Variants in GNAQ observed in about 807,000 individuals in gnomAD.
GNAQ encodes guanine nucleotide-binding protein G(q) subunit alpha.
Under a neutral mutation model 43.9 loss-of-function variants are expected in GNAQ, and 8 were observed. That is an observed-to-expected ratio of 0.18 (90% confidence interval 0.11 to 0.33). The LOEUF is 0.33. Ranked by LOEUF, GNAQ falls within the 10% of genes least tolerant of loss-of-function variation. The pLI is 1.00. For synonymous variants in GNAQ, 155 were observed against 170.7 expected, an observed-to-expected ratio of 0.91 and a Z score of 0.71; for missense variants, 158 against 450.8, an observed-to-expected ratio of 0.35 and a Z score of 5.88.
chr9:77,770,220 T>A (rs1279797647), intron 5 of GNAQ, among the ~76,000 whole-genome samples: 4 of 152,116 alleles, frequency 2.6e-5, no homozygotes, highest in African/African-American at 9.7e-5. Context: ...AATTATAGGG[T>A]TTTTTCTCTG....
rs5898570 is a variant in GNAQ, at chr9:77,897,942, G to GA, written c.321+24218dup. On this transcript the variant is annotated intron_variant, in intron 2 of 6. Transcript: ENST00000286548. ...ACTAACTTTTAAAACACTTTCCCTGGAAAAAAAAAAAAAAAAAAGCAATGC... is the reference window on the plus strand; with the variant it reads ...ACTAACTTTTAAAACACTTTCCCTGGAAAAAAAAAAAAAAAAAAAGCAATGC... Among the ~76,000 whole-genome samples the GA allele has an allele frequency of 2.0e-3, 245 of 124,662 alleles. 1 individual carries two copies. Among genetic ancestry groups the GA allele is most frequent in the East Asian group, 5.2e-3 (22 of 4,194 alleles). The allele number at this position is 124,662 out of a possible 152,430, so 81.8% of individuals were successfully genotyped here.
intron 5 of GNAQ, among the ~76,000 whole-genome samples, chr9:77,786,106 G>A (rs943550871): frequency 3.3e-5 from 5 of 152,078 alleles, no homozygotes; most frequent in African/African-American, 7.2e-5. Context: ...AGCCAGGCGC[G>A]GTGGCTCACG....
At chr9:77,741,205 G>C (rs969721) in intron 5 of GNAQ, among the ~76,000 whole-genome samples, 1,964 of 152,256 alleles carry the variant, frequency 0.013, 14 homozygotes, top group Non-Finnish European at 0.02. Context: ...TACTCATATG[G>C]CATGAGAAGA....
chr9:77,866,198 C>T (rs1168975013), intron 2 of GNAQ, among the ~76,000 whole-genome samples: 3 of 152,166 alleles, frequency 2.0e-5, no homozygotes, highest in African/African-American at 7.2e-5. Context: ...AAAATTTAGG[C>T]CGGGTGTGGT....
At position 77,752,596 on chromosome 9, in the gene GNAQ, A is replaced by C. The variant is rs575244545; in HGVS notation, c.736-23929T>G. 7.9e-5 allele frequency among the ~76,000 whole-genome samples: 12 copies of C among 152,330 alleles called. No homozygotes were observed. In the South Asian group the frequency reaches 1.0e-3, roughly 13 times the overall value. On this transcript the variant is annotated intron_variant, in intron 5 of 6. Coordinates refer to ENST00000286548, the MANE Select transcript of GNAQ (RefSeq NM_002072.5). ...CAAAGTTATTTCTGGTGAAGCCAAG[A>C]CTAGAACTCGGTTTTCTCAACCTTC... is the stretch of plus-strand genomic sequence containing the variant.
chr9:77,955,782 A>C (rs1823033726), intron 1 of GNAQ, among the ~76,000 whole-genome samples: 2 of 152,228 alleles, frequency 1.3e-5, no homozygotes. Flanking sequence ...CTTTAGATTT[A>C]CAGGACTTCA....
intron 2 of GNAQ, among the ~76,000 whole-genome samples, chr9:77,879,119 A>G (rs1828172102): frequency 6.6e-6 from 1 of 152,162 alleles, no homozygotes; most frequent in African/African-American, 2.4e-5. Flanking sequence ...CATGGAAAGT[A>G]AAAACGAACT....
chr9:77,904,477 C>T (rs141700210), intron 2 of GNAQ, among the ~76,000 whole-genome samples: 8,897 of 151,584 alleles, frequency 0.059, 290 homozygotes, highest in African/African-American at 0.064. Flanking sequence ...GGACTACAGG[C>T]GTCTACCACC....
At chr9:77,765,273 G>A (rs1353938717) in intron 5 of GNAQ, among the ~76,000 whole-genome samples, 2 of 152,142 alleles carry the variant, frequency 1.3e-5, no homozygotes, top group African/African-American at 4.8e-5. Context: ...TATTAAGACT[G>A]AATGCCATTA....
In GNAQ at chr9:77,934,528, G is replaced by A. The variant is rs562596387; in HGVS notation, c.137-12183C>T. Among the ~76,000 whole-genome samples, 79 of 152,034 alleles carry A rather than the reference G, an allele frequency of 5.2e-4. 2 individuals carry two copies. Among genetic ancestry groups the A allele is most frequent in the Non-Finnish European group, 5.0e-4 (34 of 67,984 alleles). On this transcript the variant is annotated intron_variant, in intron 1 of 6. Transcript: ENST00000286548. ...TGCTAGAGGGAGCCAGCCAAGTACT[G>A]CCCCAGTTAAGAGAAGCAATGATCT...
intron 2 of GNAQ, among the ~76,000 whole-genome samples, chr9:77,890,655 G>A (rs558465942): frequency 1.3e-5 from 2 of 151,300 alleles, no homozygotes; most frequent in East Asian, 2.0e-4. Context: ...CCCAGGAGGC[G>A]GAGGTTGCGG....
chr9:77,846,557 G>A (rs998940965), intron 2 of GNAQ, among the ~76,000 whole-genome samples: 1 of 152,188 alleles, frequency 6.6e-6, no homozygotes, highest in Admixed American at 6.5e-5. Flanking sequence ...GAACAACACA[G>A]AGAAGGAACC....
At chr9:77,976,416 A>C (rs1215023446) in intron 1 of GNAQ, among the ~76,000 whole-genome samples, 2 of 151,920 alleles carry the variant, frequency 1.3e-5, no homozygotes, top group Non-Finnish European at 2.9e-5. Flanking sequence ...TTTTTGAGAC[A>C]GAGTCTCGCT....
chr9:77,929,369 T>C (rs1015344884), intron 1 of GNAQ, among the ~76,000 whole-genome samples: 35 of 152,338 alleles, frequency 2.3e-4, no homozygotes, highest in African/African-American at 8.4e-4. Context: ...CTCTTATCTG[T>C]CCAGAGCTCC....
intron 1 of GNAQ, among the ~76,000 whole-genome samples, chr9:77,945,605 A>G (rs1347144210): frequency 6.6e-6 from 1 of 152,178 alleles, no homozygotes; most frequent in Non-Finnish European, 1.5e-5. Context: ...TGAAAAATAT[A>G]TCCTCTTAGG....
chr9:78,024,927 TTAAG>T (rs1399295546), intron 1 of GNAQ, among the ~76,000 whole-genome samples: 7 of 152,228 alleles, frequency 4.6e-5, no homozygotes, highest in Non-Finnish European at 1.0e-4. Context: ...AATTTGATTT[TTAAG>T]TAATACTAAT....
intron 3 of GNAQ, among the ~76,000 whole-genome samples, chr9:77,802,457 T>C (rs1177287235): frequency 6.6e-6 from 1 of 152,040 alleles, no homozygotes; most frequent in East Asian, 1.9e-4. Context: ...CTTAACTGAA[T>C]TGTACTTTCC....
At chr9:77,797,467 A>G in intron 4 of GNAQ, 53 bp downstream of exon 4, 1 of 1,407,372 alleles carries the variant, frequency 7.1e-7, no homozygotes, top group South Asian at 1.2e-5. Context: ...AGTTTACCAA[A>G]TGTACTCAAG....
chr9:77,860,459 G>C (rs1265257919), intron 2 of GNAQ, among the ~76,000 whole-genome samples: 1 of 152,212 alleles, frequency 6.6e-6, no homozygotes, highest in African/African-American at 2.4e-5. Flanking sequence ...TACAGAGATT[G>C]AGTAGGTGAG....
Sources: gnomAD v4.1 joint callset for allele counts (sites outside exome capture counted in the v4.1 genomes callset) on GRCh38, gnomAD v4.1.1 for gene constraint, MANE v1.5 for transcripts, NCBI Gene and HGNC (gene_info 2026-07-23, HGNC 2026-07-21) for gene names.